GALNT18: variants seen among roughly 807,000 people sequenced by gnomAD.
The protein encoded by GALNT18 is GalNAc-transferase 18.
In GALNT18, 44 loss-of-function variants were observed where a neutral mutation model predicts 69.5. The ratio of observed to expected loss-of-function variants is 0.63; its 90% confidence interval spans 0.50 to 0.81. The LOEUF (loss-of-function observed/expected upper bound fraction) is 0.81, where lower values mean the gene tolerates loss of function less well. Among genes scored for constraint, GALNT18 ranks in the 40% least tolerant of loss-of-function variants. GALNT18 has a pLI of 0.00. For missense variants in GALNT18, 715 were observed against 810.0 expected (o/e 0.88, Z 1.42); for synonymous variants, 364 against 318.2 (o/e 1.14, Z -1.53).
intron 3 of GALNT18, among the ~76,000 whole-genome samples, chr11:11,425,919 G>A (rs1426248498): frequency 1.3e-5 from 2 of 152,252 alleles, no homozygotes; most frequent in Admixed American, 1.3e-4. Flanking sequence ...CCCTCTGGAA[G>A]TCTGTAGAGG....
chr11:11,567,720 C>A (rs1858686786), intron 1 of GALNT18, among the ~76,000 whole-genome samples: 1 of 152,202 alleles, frequency 6.6e-6, no homozygotes, highest in African/African-American at 2.4e-5. Context: ...ACAAGGGATA[C>A]ATGGCATTGT....
intron 1 of GALNT18, among the ~76,000 whole-genome samples, chr11:11,485,398 G>C (rs753757986): frequency 1.3e-5 from 2 of 152,154 alleles, no homozygotes; most frequent in African/African-American, 2.4e-5. Flanking sequence ...AGAACTCAGG[G>C]AAACACATTA....
At chr11:11,423,300 G>A (rs1450735707) in intron 3 of GALNT18, among the ~76,000 whole-genome samples, 1 of 152,226 alleles carries the variant, frequency 6.6e-6, no homozygotes, top group East Asian at 1.9e-4. Context: ...ACGTATGTGT[G>A]CATACATGAA....
At chr11:11,521,553 G>T (rs542436805) in intron 1 of GALNT18, among the ~76,000 whole-genome samples, 83 of 152,210 alleles carry the variant, frequency 5.5e-4, no homozygotes, top group Admixed American at 1.0e-3. Context: ...TTACACCACG[G>T]AAGAAACTCG....
chr11:11,302,903 C>A (rs1425006783), intron 9 of GALNT18, among the ~76,000 whole-genome samples: 1 of 152,248 alleles, frequency 6.6e-6, no homozygotes, highest in East Asian at 1.9e-4. Context: ...AGACCATCAT[C>A]AGATGTGGAA....
intron 8 of GALNT18, 90 bp from the exon 9 acceptor site, chr11:11,327,271 G>T: frequency 1.0e-6 from 1 of 982,166 alleles, no homozygotes; most frequent in East Asian, 2.5e-5. Context: ...ATTCTGCTGA[G>T]ACAGATTTCA....
intron 1 of GALNT18, among the ~76,000 whole-genome samples, chr11:11,549,912 C>G (rs917020362): frequency 6.6e-6 from 1 of 152,192 alleles, no homozygotes; most frequent in African/African-American, 2.4e-5. Flanking sequence ...AAGTCAAGGG[C>G]CTGTCCTGGT....
chr11:11,281,133 AG>A (rs1331199476), intron 10 of GALNT18, among the ~76,000 whole-genome samples: 8 of 152,336 alleles, frequency 5.3e-5, no homozygotes, highest in African/African-American at 1.9e-4. Flanking sequence ...GCACGCAGGC[AG>A]GGGACCAAAA....
rs374244731 is a variant in GALNT18 at position 11,470,527 on chromosome 11, T to G, written c.236-21591A>C. Among the ~76,000 whole-genome samples the G allele has an allele frequency of 8.7e-4, 133 of 152,326 alleles. No individual in the cohort carries two copies. The highest frequency in any genetic ancestry group is 3.1e-3 in the African/African-American group (127 of 41,592). On this transcript the variant is annotated intron_variant, in intron 1 of 10. Transcript: ENST00000227756. This position sits in a 1 kb window ranked among gnomAD's most constrained non-coding sequence, Gnocchi z 4.8. ...CATGCTGTAGACCCCATTATTCCTA[T>G]GCTAGAGGCTTGGGGATAGTGATAG...
chr11:11,405,962 A>G (rs1023590672), intron 3 of GALNT18, among the ~76,000 whole-genome samples: 1 of 152,194 alleles, frequency 6.6e-6, no homozygotes, highest in Non-Finnish European at 1.5e-5. Context: ...ACAACAAGCA[A>G]GGTGTCGGCA....
chr11:11,366,944 T>C (rs1267924547), intron 6 of GALNT18, among the ~76,000 whole-genome samples: 1 of 152,210 alleles, frequency 6.6e-6, no homozygotes, highest in Non-Finnish European at 1.5e-5. Context: ...GAGTTTAGAA[T>C]AAAGTCACTG....
chr11:11,293,548 T>C (rs1331379139), intron 9 of GALNT18, among the ~76,000 whole-genome samples: 3 of 144,056 alleles, frequency 2.1e-5, no homozygotes, highest in African/African-American at 7.7e-5. Context: ...TTTTTTTTTT[T>C]TTTTTTTTTG....
rs1264312545 is a variant in GALNT18, at chr11:11,621,381, A to C, written c.213T>G (p.Asn71Lys). ...TACCTTGAATGTGCTGCTTGATGAC[A>C]TTCTCCAGGTGGTCCAGCCGCTCAA... ...KIIERLDHLE[N>K]VIKQHIQEAP... Residue 71 changes from asparagine to lysine, a missense_variant, in exon 1 of 11, where the codon AAT (asparagine) becomes AAG (lysine). Coordinates refer to ENST00000227756, the MANE Select transcript of GALNT18 (RefSeq NM_198516.3). This position sits in a 1 kb window ranked among gnomAD's most constrained non-coding sequence, Gnocchi z 9.3. 2 of 1,613,546 alleles carry C rather than the reference A, an allele frequency of 1.2e-6. No homozygotes were observed. Among genetic ancestry groups the C allele is most frequent in the African/African-American group, 2.7e-5 (2 of 74,754 alleles).
chr11:11,427,200 G>A (rs1335845439), intron 3 of GALNT18, among the ~76,000 whole-genome samples: 3 of 152,190 alleles, frequency 2.0e-5, no homozygotes, highest in Non-Finnish European at 4.4e-5. Context: ...AAGTTGCTAA[G>A]GAGACAGAGA....
intron 10 of GALNT18, among the ~76,000 whole-genome samples, chr11:11,281,553 C>G (rs1849075466): frequency 6.6e-6 from 1 of 152,202 alleles, no homozygotes; most frequent in African/African-American, 2.4e-5. Flanking sequence ...AGACAACCAA[C>G]TCTTGGAGAA....
rs114215341 is a variant in GALNT18, at chr11:11,436,093, G to A, written c.429-3306C>T. Among the ~76,000 whole-genome samples, 197 of 152,334 alleles carry A rather than the reference G, an allele frequency of 1.3e-3. 1 individual carries two copies. Among genetic ancestry groups the A allele is most frequent in the African/African-American group, 4.6e-3 (190 of 41,578 alleles). ...GCCCTGCGTGAGCAGAGAGGCGAGG[G>A]GTGGGCAGGGTAAGGAAGATGATAT... is the stretch of plus-strand genomic sequence containing the variant. On this transcript the variant is annotated intron_variant, in intron 2 of 10. Transcript: ENST00000227756. This position sits in a 1 kb window ranked among gnomAD's most constrained non-coding sequence, Gnocchi z 4.5.
rs11021947 is a variant in GALNT18 at position 11,590,180 on chromosome 11, C to G, written c.235+31179G>C. Among the ~76,000 whole-genome samples the G allele has an allele frequency of 0.024, 3,689 of 152,200 alleles. 158 individuals carry two copies. The highest frequency in any genetic ancestry group is 0.085 in the African/African-American group (3,517 of 41,518). ...ATTTCCCAGCTTCCCTTGCAGTCAG[C>G]GGCTGCTACATGGCTGATTCTGTGA... On this transcript the variant is annotated intron_variant, in intron 1 of 10. Transcript: ENST00000227756. This position sits in a 1 kb window ranked among gnomAD's most constrained non-coding sequence, Gnocchi z 4.4.
Position 11,388,572 on chromosome 11 carries a change from G to A in GALNT18, c.596-9308C>T, listed in dbSNP as rs527553050. On this transcript the variant is annotated intron_variant, in intron 3 of 10. Transcript: ENST00000227756. ...TGGTATAGATGCTTCCACCATTGCT[G>A]ATTTCAGGCTACCAGCCTGACGCCA... is the stretch of plus-strand genomic sequence containing the variant. 7.1e-5 allele frequency among the ~76,000 whole-genome samples: 8 copies of A among 112,194 alleles called. No individual in the cohort carries two copies. The East Asian group carries it at 2.6e-3, about 37-fold the overall frequency. The allele number at this position is 112,194 out of a possible 152,430, so 73.6% of individuals were successfully genotyped here. A position where few individuals can be genotyped will look rare whatever the true frequency, so the allele number is the denominator to read the frequency against.
chr11:11,528,507 G>C (rs1857569314), intron 1 of GALNT18, among the ~76,000 whole-genome samples: 1 of 152,214 alleles, frequency 6.6e-6, no homozygotes, highest in Non-Finnish European at 1.5e-5. Context: ...AGCTGAATTT[G>C]GCCTTTAGGG....
Sources: gnomAD v4.1 joint callset for allele counts (sites outside exome capture counted in the v4.1 genomes callset) on GRCh38, gnomAD v4.1.1 for gene constraint, Gnocchi (gnomAD v3.1) non-coding constraint, MANE v1.5 for transcripts, NCBI Gene and HGNC (gene_info 2026-07-23, HGNC 2026-07-21) for gene names.